DISC1: variants seen among roughly 807,000 people sequenced by gnomAD.
DISC1 encodes the protein DISC1 scaffold protein.
DISC1 carries 57 observed loss-of-function variants against 84.5 expected under a neutral mutation model. The observed-to-expected ratio is 0.67, with a 90% CI of 0.55 to 0.84. The LOEUF (loss-of-function observed/expected upper bound fraction) is 0.84, where lower values mean the gene tolerates loss of function less well. DISC1 is among the 40% of genes least tolerant of loss of function. DISC1 has a pLI of 0.00. For missense variants in DISC1, 1,000 were observed against 1,057.8 expected, an observed-to-expected ratio of 0.95 and a Z score of 0.76; for synonymous variants, 411 against 415.2, an observed-to-expected ratio of 0.99 and a Z score of 0.12.
At chr1:231,696,623 A>G (rs1351367680) in intron 2 of DISC1, among the ~76,000 whole-genome samples, 6 of 152,236 alleles carry the variant, frequency 3.9e-5, no homozygotes, top group Non-Finnish European at 8.8e-5. Flanking sequence ...GATCACATAT[A>G]TGATGTGACA....
At chr1:231,906,227 G>A (rs1458818635) in intron 9 of DISC1, among the ~76,000 whole-genome samples, 1 of 152,028 alleles carries the variant, frequency 6.6e-6, no homozygotes, top group Non-Finnish European at 1.5e-5. Flanking sequence ...TCTCCATGTT[G>A]GTCAGGCTAG....
chr1:231,994,774 A>G (rs1361890371), intron 10 of DISC1, among the ~76,000 whole-genome samples: 1 of 152,162 alleles, frequency 6.6e-6, no homozygotes, highest in Non-Finnish European at 1.5e-5. Flanking sequence ...AGTTTTGGAA[A>G]GAATGGTTTT....
intron 3 of DISC1, among the ~76,000 whole-genome samples, chr1:231,743,320 T>C (rs951008394): frequency 6.6e-6 from 1 of 152,210 alleles, no homozygotes; most frequent in Non-Finnish European, 1.5e-5. Context: ...TAGATACTAT[T>C]ATTAACCCCA....
intron 6 of DISC1, among the ~76,000 whole-genome samples, chr1:231,791,608 G>A (rs1398263116): frequency 6.6e-6 from 1 of 152,186 alleles, no homozygotes; most frequent in African/African-American, 2.4e-5. Context: ...GGTAAATTAG[G>A]TCTGGTGTGT....
At chr1:231,669,712 G>A (rs932886967) in intron 1 of DISC1, among the ~76,000 whole-genome samples, 2 of 151,966 alleles carry the variant, frequency 1.3e-5, no homozygotes, top group African/African-American at 4.8e-5. Flanking sequence ...TTATTAAAAA[G>A]TAAAAGAATA....
intron 1 of DISC1, among the ~76,000 whole-genome samples, chr1:231,662,075 C>A (rs964638377): frequency 6.6e-6 from 1 of 152,150 alleles, no homozygotes; most frequent in Admixed American, 6.5e-5. Flanking sequence ...GGAGATATCA[C>A]CAGTGAAGGC....
chr1:231,672,771 A>G (rs1163088413), intron 1 of DISC1, among the ~76,000 whole-genome samples: 1 of 151,956 alleles, frequency 6.6e-6, no homozygotes, highest in Non-Finnish European at 1.5e-5. Context: ...TACTTTACCC[A>G]CCTTGTCTGC....
intron 4 of DISC1, among the ~76,000 whole-genome samples, chr1:231,759,526 C>A (rs1479473749): frequency 9.5e-4 from 46 of 48,286 alleles, no homozygotes; most frequent in Admixed American, 2.6e-3. Context: ...CCCATCTCTA[C>A]AAAAAAAAAA....
At chr1:231,854,935 A>G in intron 9 of DISC1, 1 of 715,436 alleles carries the variant, frequency 1.4e-6, no homozygotes, top group South Asian at 1.8e-5. Context: ...AGACTGGTCT[A>G]AAACTCCTGA....
chr1:231,721,046 C>T, intron 3 of DISC1: 1 of 1,290,960 alleles, frequency 7.7e-7, no homozygotes, highest in Non-Finnish European at 1.0e-6. Flanking sequence ...CATTCTGGAA[C>T]TTTTCCCAGC....
chr1:231,978,214 G>A (rs1048112201), intron 10 of DISC1, among the ~76,000 whole-genome samples: 11 of 152,190 alleles, frequency 7.2e-5, no homozygotes, highest in African/African-American at 1.9e-4. Context: ...GGAAGCCAAT[G>A]TCTGTTGTCT....
At chr1:231,725,152 A>G (rs1665253554) in intron 3 of DISC1, among the ~76,000 whole-genome samples, 1 of 152,092 alleles carries the variant, frequency 6.6e-6, no homozygotes, top group Admixed American at 6.6e-5. Flanking sequence ...GTCCCCAGTG[A>G]TCAGGCTTCG....
At chr1:231,978,702 T>C (rs926666131) in intron 10 of DISC1, among the ~76,000 whole-genome samples, 1 of 152,242 alleles carries the variant, frequency 6.6e-6, no homozygotes, top group Admixed American at 6.5e-5. Context: ...GGCTACAGAC[T>C]CTTTTGACAT....
chr1:231,884,955 C>T (rs1001220655), intron 9 of DISC1, among the ~76,000 whole-genome samples: 19 of 152,234 alleles, frequency 1.2e-4, no homozygotes, highest in Middle Eastern at 3.4e-3. Context: ...CTTCTCTCTC[C>T]CCCAGGATTT....
Position 231,750,069 on chromosome 1 carries a change from A to G in DISC1, c.1261A>G (p.Thr421Ala), listed in dbSNP as rs148920333. 1 of 1,613,830 alleles carries G rather than the reference A, an allele frequency of 6.2e-7. No homozygotes were observed. Among genetic ancestry groups the G allele is most frequent in the African/African-American group, 1.3e-5 (1 of 75,014 alleles). Reference protein sequence around the residue: ...QVQAALRRGATQQASGDDTHT... With the variant: ...QVQAALRRGAAQQASGDDTHT... ...CCAGGCTGCCTTGCGCCGTGGGGCC[A>G]CTCAGCAGTGAGTACTTGTTATTGT... Residue 421 changes from threonine to alanine, a missense_variant, in exon 4 of 13, where the codon ACT becomes GCT. By Grantham distance (58) the Thr-to-Ala change is moderately conservative (BLOSUM62 0). Around this residue, in one of 3 missense-constraint regions of DISC1, gnomAD observed 311 missense variants for 400.1 expected, o/e 0.78. Coordinates refer to ENST00000439617, the MANE Select transcript of DISC1 (RefSeq NM_018662.3).
chr1:231,844,271 TAG>T (rs1228397545), intron 9 of DISC1, among the ~76,000 whole-genome samples: 3 of 152,234 alleles, frequency 2.0e-5, no homozygotes, highest in African/African-American at 4.8e-5. Context: ...GATAATTTGC[TAG>T]AGTGGCTCAC....
intron 9 of DISC1, among the ~76,000 whole-genome samples, chr1:231,860,164 T>C (rs1043117818): frequency 6.6e-6 from 1 of 152,242 alleles, no homozygotes; most frequent in Non-Finnish European, 1.5e-5. Flanking sequence ...CTAAATAGTT[T>C]AGGGTTTTAT....
chr1:231,710,992 A>T lies in DISC1; in HGVS notation c.1117+8968A>T, dbSNP rs190932707. 3.6e-3 allele frequency among the ~76,000 whole-genome samples: 544 copies of T among 152,274 alleles called. 5 individuals carry two copies. Among genetic ancestry groups the T allele is most frequent in the East Asian group, 4.4e-3 (23 of 5,186 alleles). ...TAATTTAGTTTGACTATCTGTGGTC[A>T]TTGTGGTCATATGTAGACATTTGAT... On this transcript the variant is annotated intron_variant, in intron 3 of 12. Transcript: ENST00000439617.
rs769854975 is a variant in DISC1, at chr1:231,693,831, C to T, written c.73C>T (p.Arg25Trp). ...GGGVSHRAGS[R>W]DCLPPAACFR... ...GTTTTTTCTTTTCTTCCCAGGCAGC[C>T]GGGATTGCTTACCACCTGCAGCGTG... is the stretch of plus-strand genomic sequence containing the variant. Residue 25 changes from arginine (R) to tryptophan (W), a missense_variant, in exon 2 of 13, where the codon CGG becomes TGG. Arg to Trp is a moderately radical substitution (Grantham distance 101). Coordinates refer to ENST00000439617, the MANE Select transcript of DISC1 (RefSeq NM_018662.3). The T allele has an allele frequency of 4.2e-5, 68 of 1,613,346 alleles. No individual in the cohort carries two copies. Among genetic ancestry groups the T allele is most frequent in the Non-Finnish European group, 5.3e-5 (63 of 1,180,020 alleles).
Sources: gnomAD v4.1 joint callset for allele counts (sites outside exome capture counted in the v4.1 genomes callset) on GRCh38, gnomAD v4.1.1 for gene constraint, gnomAD v4.1.1 regional missense constraint, MANE v1.5 for transcripts, NCBI Gene and HGNC (gene_info 2026-07-23, HGNC 2026-07-21) for gene names.